The following OPCML variants were observed in gnomAD, a reference collection of about 807,000 sequenced individuals.
OPCML encodes the protein opioid-binding protein/cell adhesion molecule.
Under a neutral mutation model 37.8 loss-of-function variants are expected in OPCML, and 13 were observed. The observed-to-expected ratio is 0.34, with a 90% CI of 0.22 to 0.55. The LOEUF (loss-of-function observed/expected upper bound fraction) is 0.55, where lower values mean the gene tolerates loss of function less well. Among genes scored for constraint, OPCML ranks in the 20% least tolerant of loss-of-function variants. The pLI, the probability that OPCML is intolerant of heterozygous loss-of-function variation, is 0.91. For synonymous variants in OPCML, 176 were observed against 168.8 expected (o/e 1.04, Z -0.33); for missense variants, 341 against 435.6 (o/e 0.78, Z 1.93).
intron 1 of OPCML, among the ~76,000 whole-genome samples, chr11:133,415,279 G>A (rs543857421): frequency 1.1e-3 from 169 of 151,578 alleles, no homozygotes; most frequent in African/African-American, 3.4e-3. Context: ...GCGTGGTGGC[G>A]GGCGCCTGTA....
chr11:133,484,964 T>C (rs1324533154), intron 1 of OPCML, among the ~76,000 whole-genome samples: 2 of 152,018 alleles, frequency 1.3e-5, no homozygotes, highest in Non-Finnish European at 2.9e-5. Context: ...TAAATCTTCA[T>C]AGCAAAAACC....
At chr11:133,369,039 C>T (rs1384669136) in intron 1 of OPCML, among the ~76,000 whole-genome samples, 2 of 152,124 alleles carry the variant, frequency 1.3e-5, no homozygotes, top group African/African-American at 4.8e-5. Flanking sequence ...AGGCAGAATG[C>T]CAGGAAATCC....
chr11:132,463,658 C>T (rs988246124), intron 4 of OPCML, among the ~76,000 whole-genome samples: 2 of 152,174 alleles, frequency 1.3e-5, no homozygotes, highest in Non-Finnish European at 2.9e-5. Flanking sequence ...GCCATTTGAC[C>T]TTTGAGGACA....
At chr11:132,870,475 C>T (rs1942753036) in intron 2 of OPCML, among the ~76,000 whole-genome samples, 1 of 152,006 alleles carries the variant, frequency 6.6e-6, no homozygotes, top group Admixed American at 6.6e-5. Flanking sequence ...TAAAAATATT[C>T]TAAGAAGTAG....
intron 1 of OPCML, among the ~76,000 whole-genome samples, chr11:133,295,157 A>G (rs1259657850): frequency 2.6e-5 from 4 of 152,146 alleles, no homozygotes; most frequent in South Asian, 2.1e-4. Context: ...AACTTCTTTC[A>G]CTAGGGGGAT....
Position 132,542,333 on chromosome 11 carries a change from C to T in OPCML, c.380-13147G>A, listed in dbSNP as rs114534449. Among the ~76,000 whole-genome samples the T allele has an allele frequency of 8.5e-3, 1,301 of 152,300 alleles. 12 individuals are homozygous for T. The highest frequency in any genetic ancestry group is 0.03 in the African/African-American group (1,242 of 41,556). On this transcript the variant is annotated intron_variant, in intron 3 of 7. Coordinates refer to ENST00000524381, the MANE Select transcript of OPCML (RefSeq NM_001012393.5). ...CCTTCCTGATTTTGTCACTGTCCAG[C>T]AGATCTTTCTGCTGTGGCTTTCTGA...
intron 3 of OPCML, among the ~76,000 whole-genome samples, chr11:132,614,596 G>A (rs1393929448): frequency 1.3e-5 from 2 of 152,118 alleles, no homozygotes; most frequent in Non-Finnish European, 2.9e-5. Flanking sequence ...AGGTCTACCC[G>A]AAATGTAGAA....
intron 1 of OPCML, among the ~76,000 whole-genome samples, chr11:133,310,716 A>T (rs1187681722): frequency 1.3e-5 from 2 of 152,110 alleles, no homozygotes; most frequent in Non-Finnish European, 2.9e-5. Context: ...GTTCAGGTGG[A>T]ATGAGTCAAC....
intron 1 of OPCML, among the ~76,000 whole-genome samples, chr11:133,197,038 C>G (rs1188617726): frequency 1.3e-5 from 2 of 152,248 alleles, no homozygotes; most frequent in Non-Finnish European, 2.9e-5. Context: ...TGTTGTTTTA[C>G]TTCAAATCAG....
intron 3 of OPCML, among the ~76,000 whole-genome samples, chr11:132,565,402 G>A (rs2096420133): frequency 6.6e-6 from 1 of 152,158 alleles, no homozygotes; most frequent in Admixed American, 6.5e-5. Flanking sequence ...TATGTACTCA[G>A]ATTTGACCTT....
At chr11:133,176,300 A>C (rs535806583) in intron 1 of OPCML, among the ~76,000 whole-genome samples, 11 of 151,416 alleles carry the variant, frequency 7.3e-5, no homozygotes, top group African/African-American at 2.7e-4. Context: ...ATGAGGCTGC[A>C]TCAGGAAAAG....
At chr11:132,626,709 A>G (rs1939761785) in intron 3 of OPCML, among the ~76,000 whole-genome samples, 1 of 147,278 alleles carries the variant, frequency 6.8e-6, no homozygotes, top group East Asian at 2.0e-4. Context: ...AAAAAAAAAC[A>G]TGCATTTACT....
chr11:132,904,741 C>G (rs1342575031), intron 2 of OPCML, among the ~76,000 whole-genome samples: 2 of 152,194 alleles, frequency 1.3e-5, no homozygotes, highest in Non-Finnish European at 2.9e-5. Flanking sequence ...GGCTGCTGGC[C>G]AGGCTCCTCA....
At chr11:132,769,682 C>T (rs1946573312) in intron 2 of OPCML, among the ~76,000 whole-genome samples, 1 of 152,140 alleles carries the variant, frequency 6.6e-6, no homozygotes, top group Non-Finnish European at 1.5e-5. Context: ...TGGAAAGAAG[C>T]CACAGACACG....
chr11:133,411,704 A>G lies in OPCML; in HGVS notation c.61+120560T>C, dbSNP rs564123355. ...CCAAATATCCTCATCCCATTTATCAATGAGCAAGTGCCAGGCTCAGCCAGT... is the reference window on the plus strand; with the variant it reads ...CCAAATATCCTCATCCCATTTATCAGTGAGCAAGTGCCAGGCTCAGCCAGT... On this transcript the variant is annotated intron_variant, in intron 1 of 7. Coordinates refer to ENST00000524381, the MANE Select transcript of OPCML (RefSeq NM_001012393.5). Among the ~76,000 whole-genome samples, 134 of 152,312 alleles carry G rather than the reference A, an allele frequency of 8.8e-4. 1 individual carries two copies. The highest frequency in any genetic ancestry group is 2.8e-3 in the African/African-American group (117 of 41,584).
At chr11:132,960,357 C>T (rs776470857) in intron 1 of OPCML, among the ~76,000 whole-genome samples, 2 of 152,174 alleles carry the variant, frequency 1.3e-5, no homozygotes, top group African/African-American at 2.4e-5. Flanking sequence ...GAGAGAATCC[C>T]GTTCTGAACA....
chr11:133,086,521 T>C (rs975880955), intron 1 of OPCML, among the ~76,000 whole-genome samples: 3 of 152,218 alleles, frequency 2.0e-5, no homozygotes, highest in African/African-American at 7.2e-5. Context: ...TAGATGAAAA[T>C]TCTGCTTAAA....
chr11:132,661,740 C>T (rs1006092767), intron 2 of OPCML, among the ~76,000 whole-genome samples: 3 of 152,234 alleles, frequency 2.0e-5, no homozygotes, highest in Admixed American at 1.3e-4. Flanking sequence ...ATTACAACTA[C>T]ATCACAAGTA....
chr11:132,510,166 G>A (rs1238298894), intron 4 of OPCML, among the ~76,000 whole-genome samples: 1 of 152,132 alleles, frequency 6.6e-6, no homozygotes, highest in Non-Finnish European at 1.5e-5. Flanking sequence ...CATGGTCCCT[G>A]TAATCCCTTT....
Sources: allele counts gnomAD v4.1 joint callset (sites outside exome capture counted in the v4.1 genomes callset), GRCh38; gene constraint gnomAD v4.1.1; transcripts MANE v1.5; gene names NCBI Gene and HGNC (gene_info 2026-07-23, HGNC 2026-07-21).